Variants in EPB41L2 observed in about 807,000 individuals in gnomAD.
EPB41L2 encodes the protein erythrocyte membrane protein band 4.1 like 2.
In EPB41L2, 43 loss-of-function variants were observed where a neutral mutation model predicts 113.0. The ratio of observed to expected loss-of-function variants is 0.38; its 90% CI spans 0.30 to 0.49. The LOEUF (loss-of-function observed/expected upper bound fraction) is 0.49. Among genes scored for constraint, EPB41L2 ranks in the 20% least tolerant of loss-of-function variants. The pLI is 0.95. For synonymous variants in EPB41L2, 442 were observed against 436.7 expected (o/e 1.01, Z -0.15); for missense variants, 1,147 against 1,223.4 (o/e 0.94, Z 0.93).
intron 7 of EPB41L2, among the ~76,000 whole-genome samples, chr6:130,900,589 T>C (rs1243732040): frequency 6.6e-6 from 1 of 152,228 alleles, no homozygotes; most frequent in Admixed American, 6.5e-5. Flanking sequence ...CTAGCTTTCT[T>C]ACCACATATA....
chr6:130,885,393 T>C, intron 11 of EPB41L2, 125 bp from the exon 12 acceptor site: 1 of 828,264 alleles, frequency 1.2e-6, no homozygotes, highest in South Asian at 1.8e-5. Context: ...GAGACATTGC[T>C]TGAGCTCTGA....
chr6:130,963,109 C>T (rs938846618), intron 1 of EPB41L2, among the ~76,000 whole-genome samples: 6 of 152,046 alleles, frequency 3.9e-5, no homozygotes, highest in Non-Finnish European at 8.8e-5. Flanking sequence ...AGAGGACCAG[C>T]TCCTTGATCG....
chr6:130,960,598 GA>G (rs1233693745), intron 1 of EPB41L2, among the ~76,000 whole-genome samples: 2 of 152,166 alleles, frequency 1.3e-5, no homozygotes, highest in Non-Finnish European at 2.9e-5. Context: ...TTACAAGACA[GA>G]AAACAATGGA....
intron 3 of EPB41L2, among the ~76,000 whole-genome samples, chr6:130,944,853 T>G (rs1768036145): frequency 6.6e-6 from 1 of 152,102 alleles, no homozygotes; most frequent in Admixed American, 6.6e-5. Context: ...AGGAGTGACT[T>G]GATTATGAGG....
intron 1 of EPB41L2, among the ~76,000 whole-genome samples, chr6:130,976,025 C>G (rs528710812): frequency 6.6e-6 from 1 of 152,264 alleles, no homozygotes; most frequent in South Asian, 2.1e-4. Context: ...AAGACTCCGT[C>G]TCAAAAACAA....
Position 130,926,587 on chromosome 6 carries a change from A to G in EPB41L2, c.810+18T>C, listed in dbSNP as rs1804818316. The G allele has an allele frequency of 7.3e-6, 11 of 1,512,280 alleles. No individual in the cohort carries two copies. The highest frequency in any genetic ancestry group is 1.0e-5 in the Non-Finnish European group (11 of 1,101,998). The allele number at this position is 1,512,280 out of a possible 1,614,324, so 93.7% of individuals were successfully genotyped here. On this transcript the variant is annotated intron_variant, in intron 4 of 19. Coordinates refer to ENST00000337057, the MANE Select transcript of EPB41L2 (RefSeq NM_001431.4). ...CAATATGTTCTAAAAAGATAAAAAT[A>G]AACTTGAAATCACTTACTTTCTGCT... is the stretch of plus-strand genomic sequence containing the variant.
At chr6:130,955,683 C>T (rs1287310744) in intron 2 of EPB41L2, among the ~76,000 whole-genome samples, 1 of 152,150 alleles carries the variant, frequency 6.6e-6, no homozygotes, top group Non-Finnish European at 1.5e-5. Context: ...ACTTACTGTC[C>T]AGTGAAAACT....
intron 1 of EPB41L2, among the ~76,000 whole-genome samples, chr6:131,028,705 C>T (rs1791414235): frequency 6.6e-6 from 1 of 152,136 alleles, no homozygotes; most frequent in Non-Finnish European, 1.5e-5. Context: ...AAACCAGTTT[C>T]ATGGAAAATT....
chr6:131,026,438 T>C (rs781167258), intron 1 of EPB41L2, among the ~76,000 whole-genome samples: 4 of 152,150 alleles, frequency 2.6e-5, no homozygotes, highest in Non-Finnish European at 5.9e-5. Flanking sequence ...TTTGTGGGAG[T>C]TGGGTTTTCA....
At chr6:130,924,302 G>A (rs1399149472) in intron 4 of EPB41L2, among the ~76,000 whole-genome samples, 2 of 151,946 alleles carry the variant, frequency 1.3e-5, no homozygotes, top group African/African-American at 4.8e-5. Context: ...AATAAACATG[G>A]GTAAACAAAT....
intron 3 of EPB41L2, among the ~76,000 whole-genome samples, chr6:130,947,017 A>ACCCCCCCCCCCCC (rs58960778): frequency 8.9e-6 from 1 of 112,028 alleles, no homozygotes; most frequent in African/African-American, 3.3e-5. Context: ...AATAAAGAAG[A>ACCCCCCCCCCCCC]CCCCCCCCCC....
intron 10 of EPB41L2, among the ~76,000 whole-genome samples, chr6:130,893,714 T>G (rs976749911): frequency 6.6e-6 from 1 of 152,122 alleles, no homozygotes; most frequent in Admixed American, 6.6e-5. Flanking sequence ...ACTGGTGAGG[T>G]CAGGACACAG....
chr6:130,909,380 G>A (rs1212238077), intron 4 of EPB41L2, among the ~76,000 whole-genome samples: 1 of 152,130 alleles, frequency 6.6e-6, no homozygotes, highest in Admixed American at 6.5e-5. Context: ...ATAATTGTAA[G>A]GAGAGGTAAG....
At chr6:130,995,917 C>A (rs894474595) in intron 1 of EPB41L2, among the ~76,000 whole-genome samples, 2 of 152,210 alleles carry the variant, frequency 1.3e-5, no homozygotes, top group African/African-American at 4.8e-5. Context: ...TCCAGGTTAA[C>A]CATATTGGAA....
At chr6:131,047,639 CAAT>C (rs1307801869) in intron 1 of EPB41L2, among the ~76,000 whole-genome samples, 1 of 152,164 alleles carries the variant, frequency 6.6e-6, no homozygotes, top group African/African-American at 2.4e-5. Flanking sequence ...AGTGTATCAT[CAAT>C]GTTTAAGGCA....
chr6:130,992,408 C>T (rs1449429190), intron 1 of EPB41L2, among the ~76,000 whole-genome samples: 1 of 152,064 alleles, frequency 6.6e-6, no homozygotes, highest in Non-Finnish European at 1.5e-5. Flanking sequence ...CCCCCCATAC[C>T]CTAATAACTT....
rs559518202 is a variant in EPB41L2 at position 130,870,234 on chromosome 6, A to G, written c.2044-108T>C. 8.7e-5 allele frequency: 133 copies of G among 1,523,586 alleles called. 1 individual carries two copies. In the Middle Eastern group the frequency reaches 1.0e-3, roughly 12 times the overall value. 94.4% of individuals were successfully genotyped at this position (1,523,586 alleles called of 1,614,324 possible). On this transcript the variant is annotated intron_variant, in intron 14 of 19. Transcript: ENST00000337057. ...ATTCATGTCATGGAGAAAAACAAAG[A>G]TGATTATGATGGCTGACTGAAAGGG...
chr6:131,031,606 C>CA, intron 1 of EPB41L2, among the ~76,000 whole-genome samples: 1 of 152,078 alleles, frequency 6.6e-6, no homozygotes, highest in Middle Eastern at 3.4e-3. Flanking sequence ...AATTGCCACA[C>CA]AAAAAAGAAA....
chr6:130,875,804 T>TG (rs1426364383), intron 14 of EPB41L2, among the ~76,000 whole-genome samples: 1 of 152,016 alleles, frequency 6.6e-6, no homozygotes, highest in Non-Finnish European at 1.5e-5. Flanking sequence ...AAGACCAGTC[T>TG]GGTCAACATA....
Sources: allele counts gnomAD v4.1 joint callset (sites outside exome capture counted in the v4.1 genomes callset), GRCh38; gene constraint gnomAD v4.1.1; transcripts MANE v1.5; gene names NCBI Gene and HGNC (gene_info 2026-07-23, HGNC 2026-07-21).